TGIF2: variants seen among roughly 807,000 people sequenced by gnomAD.
TGIF2 encodes the protein TGFB induced factor homeobox 2, also known as homeobox protein TGIF2.
TGIF2 carries 5 observed loss-of-function variants against 15.1 expected under a neutral mutation model. That is an observed-to-expected ratio of 0.33 (90% CI 0.17 to 0.70). The LOEUF (loss-of-function observed/expected upper bound fraction) is 0.70. Among genes scored for constraint, TGIF2 ranks in the 30% least tolerant of loss-of-function variants. The pLI is 0.67. For missense variants in TGIF2, 264 were observed against 302.5 expected, an observed-to-expected ratio of 0.87 and a Z score of 0.94; for synonymous variants, 131 against 128.9, an observed-to-expected ratio of 1.02 and a Z score of -0.11.
upstream of TGIF2, chr20:36,573,510 C>A (rs945096335): frequency 6.7e-6 from 1 of 148,220 alleles, no homozygotes; most frequent in Admixed American, 6.7e-5. Context: ...CGCAGCTCGT[C>A]GCGCTCCGCA....
At chr20:36,575,766 T>C (rs757301171) in intron 1 of TGIF2, among the ~76,000 whole-genome samples, 4 of 152,144 alleles carry the variant, frequency 2.6e-5, no homozygotes, top group Non-Finnish European at 4.4e-5. Flanking sequence ...CTTGAGATCC[T>C]GGCATCAGCC....
Position 36,578,946 on chromosome 20 carries a change from A to C in TGIF2, c.172A>C (p.Thr58Pro), listed in dbSNP as rs777493417. Residue 58 changes from threonine to proline, a missense_variant, in exon 2 of 3, where the codon ACC becomes CCC. Coordinates refer to ENST00000373872, the MANE Select transcript of TGIF2 (RefSeq NM_021809.7). ...EQEKLSLSGQ[T>P]NLSVLQICNW... ...GGAGAAGCTGAGCCTTTCTGGACAG[A>C]CCAACCTGTCAGTGCTGCAAGTAAG... The C allele has an allele frequency of 6.2e-7, 1 of 1,613,850 alleles. No individual in the cohort carries two copies. Among genetic ancestry groups the C allele is most frequent in the Non-Finnish European group, 8.5e-7 (1 of 1,179,876 alleles).
intron 1 of TGIF2, among the ~76,000 whole-genome samples, chr20:36,575,846 T>A (rs1273786895): frequency 6.6e-6 from 1 of 151,750 alleles, no homozygotes; most frequent in East Asian, 1.9e-4. Context: ...TAATCCCAGA[T>A]CTTTGGGAGG....
Position 36,578,840 on chromosome 20 carries a change from G to T in TGIF2, c.66G>T (p.Arg22Ser), listed in dbSNP as rs770991437. The T allele has an allele frequency of 6.2e-7, 1 of 1,614,166 alleles. No homozygotes were observed. ...CCCTGGCGGGCAAAAGGAAGCGCAG[G>T]GGGAACCTGCCCAAGGAGTCGGTGA... ...LLSLAGKRKR[R>S]GNLPKESVKI... Residue 22 changes from arginine to serine, a missense_variant, in exon 2 of 3, where the codon AGG becomes AGT. Transcript: ENST00000373872.
chr20:36,591,401 C>T lies in TGIF2; in HGVS notation c.684C>T (p.Pro228=), dbSNP rs772730253. The T allele has an allele frequency of 2.5e-6, 4 of 1,612,418 alleles. No individual in the cohort carries two copies. The highest frequency in any genetic ancestry group is 2.2e-5 in the South Asian group (2 of 91,028). The change falls in exon 3 of 3, where the codon CCC becomes CCT. Residue 228 remains proline (P), a synonymous_variant. Coordinates refer to ENST00000373872, the MANE Select transcript of TGIF2 (RefSeq NM_021809.7). This position sits in a 1 kb window ranked among gnomAD's most constrained non-coding sequence, Gnocchi z 5.3. ...QDPSLPLLHT[P]IPLVSENPQ ...CATCACTCCCATTACTGCACACTCCCATCCCTTTAGTCTCTGAAAATCCCC... is the reference window on the plus strand; with the variant it reads ...CATCACTCCCATTACTGCACACTCCTATCCCTTTAGTCTCTGAAAATCCCC...
chr20:36,589,643 G>A (rs747294785), intron 2 of TGIF2, among the ~76,000 whole-genome samples: 5 of 151,538 alleles, frequency 3.3e-5, no homozygotes, highest in South Asian at 2.1e-4. Context: ...TGCCCACCTC[G>A]GCCTCCCAAA....
chr20:36,573,906 G>C (rs1600762888), intron 1 of TGIF2, among the ~76,000 whole-genome samples, 161 bp downstream of exon 1: 1 of 151,848 alleles, frequency 6.6e-6, no homozygotes, highest in East Asian at 2.0e-4. Context: ...CGGCCCCCGG[G>C]GGGTGTTTGT....
At position 36,574,258 on chromosome 20, in the gene TGIF2, C is replaced by T. The variant is rs185814553; in HGVS notation, c.-35+513C>T. On this transcript the variant is annotated intron_variant, in intron 1 of 2. Transcript: ENST00000373872. Reference sequence around the variant, plus strand: ...TCCTTTGGAACAAAGGAAAGTCTGTCTCCGAGGCATCTGTCACTCCCAGGC... The same window carrying T: ...TCCTTTGGAACAAAGGAAAGTCTGTTTCCGAGGCATCTGTCACTCCCAGGC... 2.4e-3 allele frequency among the ~76,000 whole-genome samples: 358 copies of T among 152,032 alleles called. 5 individuals carry two copies. The highest frequency in any genetic ancestry group is 0.017 in the South Asian group (80 of 4,826).
rs760033625 is a variant in TGIF2 at position 36,591,087 on chromosome 20, G to A, written c.370G>A (p.Val124Met). The change falls in exon 3 of 3, where the codon GTG (valine) becomes ATG (methionine). Residue 124 changes from valine to methionine, a missense_variant. Transcript: ENST00000373872. This position sits in a 1 kb window ranked among gnomAD's most constrained non-coding sequence, Gnocchi z 5.3. The part of the protein sequence containing the change: ...LAVSVPAPTN[V>M]LSLSVCSMPL... ...TGTGTCTGTCCCAGCCCCCACCAATGTGCTCTCCCTGTCTGTGTGCTCCAT... is the reference window on the plus strand; with the variant it reads ...TGTGTCTGTCCCAGCCCCCACCAATATGCTCTCCCTGTCTGTGTGCTCCAT... The A allele has an allele frequency of 1.3e-6, 2 of 1,598,410 alleles. No homozygotes were observed. The highest frequency in any genetic ancestry group is 1.7e-6 in the Non-Finnish European group (2 of 1,167,964).
intron 1 of TGIF2, among the ~76,000 whole-genome samples, chr20:36,578,506 T>C (rs2038477439): frequency 6.6e-6 from 1 of 152,176 alleles, no homozygotes; most frequent in African/African-American, 2.4e-5. Flanking sequence ...GTTTCCAGCC[T>C]GAGTCCTGCT....
intron 1 of TGIF2, among the ~76,000 whole-genome samples, chr20:36,577,550 C>T (rs1466914237): frequency 3.5e-5 from 5 of 144,644 alleles, no homozygotes; most frequent in African/African-American, 1.0e-4. Flanking sequence ...GATGGAGTCT[C>T]GCTGTGTCAC....
chr20:36,576,173 T>C (rs2038425727), intron 1 of TGIF2, among the ~76,000 whole-genome samples: 1 of 152,134 alleles, frequency 6.6e-6, no homozygotes, highest in African/African-American at 2.4e-5. Context: ...ACTGAGCAGC[T>C]GAGTTGGGTT....
At chr20:36,585,539 G>A (rs1191947953) in intron 2 of TGIF2, among the ~76,000 whole-genome samples, 7 of 150,538 alleles carry the variant, frequency 4.6e-5, no homozygotes, top group South Asian at 4.2e-4. Context: ...CCAGTCACTC[G>A]GCTTGAACAA....
At position 36,582,631 on chromosome 20, in the gene TGIF2, G is replaced by A. The variant is rs533900057; in HGVS notation, c.192+3665G>A. Among the ~76,000 whole-genome samples the A allele has an allele frequency of 1.4e-4, 21 of 152,334 alleles. No homozygotes were observed. The South Asian group carries it at 2.9e-3, about 21-fold the overall frequency. On this transcript the variant is annotated intron_variant, in intron 2 of 2. Coordinates refer to ENST00000373872, the MANE Select transcript of TGIF2 (RefSeq NM_021809.7). ...CTAGAGAACTGGCGAACCCCTCAAG[G>A]TGACACATCCACAGGTCCCACCTGG...
intron 1 of TGIF2, 55 bp from the exon 2 acceptor site, chr20:36,578,686 A>G: frequency 6.7e-7 from 1 of 1,494,406 alleles, no homozygotes; most frequent in Non-Finnish European, 8.9e-7. Context: ...TTTGGAGACT[A>G]GGAAAAGGCG....
intron 2 of TGIF2, among the ~76,000 whole-genome samples, chr20:36,581,192 C>T (rs1249655807): frequency 6.6e-6 from 1 of 152,162 alleles, no homozygotes; most frequent in Non-Finnish European, 1.5e-5. Context: ...TCAGCTTCAT[C>T]TCTGCCTAAG....
chr20:36,577,004 A>AT lies in TGIF2; in HGVS notation c.-34-1727dup, dbSNP rs112821778. ...ATAGGTGTGAGCCACAGCACGTGGC[A>AT]TTTTTTTTTTATTATTTTATTTTTG... On this transcript the variant is annotated intron_variant, in intron 1 of 2. Coordinates refer to ENST00000373872, the MANE Select transcript of TGIF2 (RefSeq NM_021809.7). Among the ~76,000 whole-genome samples the AT allele has an allele frequency of 5.2e-3, 776 of 148,284 alleles. 7 individuals are homozygous for AT. Among genetic ancestry groups the AT allele is most frequent in the African/African-American group, 0.018 (732 of 40,406 alleles).
At chr20:36,587,351 G>C (rs1024085528) in intron 2 of TGIF2, among the ~76,000 whole-genome samples, 5 of 152,300 alleles carry the variant, frequency 3.3e-5, no homozygotes, top group Middle Eastern at 3.4e-3. Context: ...GCCTTTAGGG[G>C]CTAGGTGCCC....
chr20:36,591,729 G>A lies in TGIF2; in HGVS notation c.*298G>A. 2 of 277,376 alleles carry A rather than the reference G, an allele frequency of 7.2e-6. No homozygotes were observed. Among genetic ancestry groups the A allele is most frequent in the Non-Finnish European group, 1.4e-5 (2 of 145,468 alleles). The allele number at this position is 277,376 out of a possible 1,614,324, so 17.2% of individuals were successfully genotyped here. A position where few individuals can be genotyped will look rare whatever the true frequency, so the allele number is the denominator to read the frequency against. Reference sequence around the variant, plus strand: ...TCCAGAAAATCCCTGGGACACCTTTGTTCCAGCCTGGTTTCCTGGGCTGGG... The same window carrying A: ...TCCAGAAAATCCCTGGGACACCTTTATTCCAGCCTGGTTTCCTGGGCTGGG... On this transcript the variant is annotated 3_prime_UTR_variant, in exon 3 of 3. Coordinates refer to ENST00000373872, the MANE Select transcript of TGIF2 (RefSeq NM_021809.7). This position sits in a 1 kb window ranked among gnomAD's most constrained non-coding sequence, Gnocchi z 5.3.
Sources: allele counts gnomAD v4.1 joint callset (sites outside exome capture counted in the v4.1 genomes callset), GRCh38; gene constraint gnomAD v4.1.1; non-coding constraint Gnocchi (gnomAD v3.1); transcripts MANE v1.5; gene names NCBI Gene and HGNC (gene_info 2026-07-23, HGNC 2026-07-21).